The following KLF12 variants were observed in gnomAD, a reference collection of about 807,000 sequenced individuals.
KLF12 encodes KLF transcription factor 12.
KLF12 carries 9 observed loss-of-function variants against 37.8 expected under a neutral mutation model. The ratio of observed to expected loss-of-function variants is 0.24; its 90% confidence interval spans 0.14 to 0.42. KLF12 has a LOEUF of 0.42. Among genes scored for constraint, KLF12 ranks in the 10% least tolerant of loss-of-function variants. KLF12 has a pLI of 1.00. For missense variants in KLF12, 411 were observed against 516.0 expected, an observed-to-expected ratio of 0.80 and a Z score of 1.97; for synonymous variants, 208 against 202.1, an observed-to-expected ratio of 1.03 and a Z score of -0.25.
intron 7 of KLF12, among the ~76,000 whole-genome samples, chr13:73,699,846 A>C (rs1298634799): frequency 6.6e-6 from 1 of 152,206 alleles, no homozygotes; most frequent in Non-Finnish European, 1.5e-5. Context: ...TAGAGTGGGG[A>C]AACAGTGCAA....
intron 2 of KLF12, among the ~76,000 whole-genome samples, chr13:73,959,936 T>C (rs1890968701): frequency 6.6e-6 from 1 of 152,076 alleles, no homozygotes; most frequent in Non-Finnish European, 1.5e-5. Context: ...TACCGCAAAA[T>C]GCAAGCTTTT....
intron 2 of KLF12, among the ~76,000 whole-genome samples, chr13:73,950,625 G>T (rs1483222624): frequency 2.6e-5 from 4 of 152,134 alleles, no homozygotes; most frequent in East Asian, 1.9e-4. Flanking sequence ...TAAGAGGAGT[G>T]TTCAGAAAGC....
At chr13:73,838,053 T>A (rs2138630338) in intron 4 of KLF12, among the ~76,000 whole-genome samples, 1 of 152,072 alleles carries the variant, frequency 6.6e-6, no homozygotes, top group South Asian at 2.1e-4. Context: ...CACCAACAAG[T>A]GAGAACGCTG....
chr13:73,705,557 G>A (rs992196088), intron 7 of KLF12, among the ~76,000 whole-genome samples: 1 of 152,200 alleles, frequency 6.6e-6, no homozygotes, highest in Non-Finnish European at 1.5e-5. Context: ...ACAGGTGTAA[G>A]CCAATGTGTC....
chr13:73,875,564 AT>A (rs1310245715), intron 3 of KLF12, among the ~76,000 whole-genome samples: 1 of 152,126 alleles, frequency 6.6e-6, no homozygotes, highest in African/African-American at 2.4e-5. Flanking sequence ...AAGAATGCCT[AT>A]TTTCTAAACT....
At chr13:73,835,458 A>G (rs1884381619) in intron 4 of KLF12, among the ~76,000 whole-genome samples, 1 of 152,176 alleles carries the variant, frequency 6.6e-6, no homozygotes. Flanking sequence ...AAAAAGGTAG[A>G]ATGGTGAGGA....
At chr13:73,775,410 A>G (rs971006758) in intron 5 of KLF12, among the ~76,000 whole-genome samples, 8 of 152,190 alleles carry the variant, frequency 5.3e-5, no homozygotes, top group African/African-American at 1.4e-4. Context: ...GGGGAAATTT[A>G]GATTATGTGT....
intron 3 of KLF12, among the ~76,000 whole-genome samples, chr13:73,854,650 G>C (rs1338994626): frequency 6.6e-6 from 1 of 152,130 alleles, no homozygotes; most frequent in Admixed American, 6.5e-5. Context: ...CTCCACCAAG[G>C]ATACCAAAAC....
intron 1 of KLF12, among the ~76,000 whole-genome samples, chr13:74,054,892 C>A (rs76319853): frequency 0.11 from 16,174 of 152,138 alleles, 980 homozygotes; most frequent in African/African-American, 0.14. Context: ...TTAGCAAAGA[C>A]TTAATACTAA....
At chr13:73,774,400 G>A (rs144834028) in intron 5 of KLF12, among the ~76,000 whole-genome samples, 53 of 151,798 alleles carry the variant, frequency 3.5e-4, no homozygotes, top group Non-Finnish European at 5.9e-4. Flanking sequence ...GAAAAGCTTT[G>A]GCCCTACAGG....
intron 4 of KLF12, among the ~76,000 whole-genome samples, chr13:73,839,262 T>A (rs1010643239): frequency 3.3e-5 from 5 of 149,306 alleles, no homozygotes; most frequent in East Asian, 2.0e-4. Context: ...CTGGTTATTT[T>A]TTTTTTTTTT....
intron 5 of KLF12, among the ~76,000 whole-genome samples, chr13:73,777,033 C>T (rs34807037): frequency 0.6 from 91,249 of 151,976 alleles, 27,965 homozygotes; most frequent in African/African-American, 0.74. Flanking sequence ...ATTCTGCAAA[C>T]AGAAGAAGAG....
intron 1 of KLF12, among the ~76,000 whole-genome samples, chr13:74,133,323 T>TC (rs1201887688): frequency 1.2e-4 from 9 of 76,098 alleles, no homozygotes; most frequent in East Asian, 3.8e-4. Context: ...GAGCCCCCCC[T>TC]CCCCCCCAAG....
At chr13:74,305,301 C>T in the KLF12 span, among the ~76,000 whole-genome samples, 4 of 152,008 alleles carry the variant, frequency 2.6e-5, no homozygotes, top group Non-Finnish European at 2.9e-5. Flanking sequence ...TTTAAATGCT[C>T]TACATTTTAA....
intron 2 of KLF12, among the ~76,000 whole-genome samples, chr13:73,950,888 G>A (rs1236713041): frequency 1.3e-5 from 2 of 152,152 alleles, no homozygotes; most frequent in Non-Finnish European, 2.9e-5. Context: ...AGAAACTAAT[G>A]CTCAGGACCT....
chr13:74,162,838 T>C, the KLF12 span, among the ~76,000 whole-genome samples: 1 of 152,174 alleles, frequency 6.6e-6, no homozygotes, highest in African/African-American at 2.4e-5. Flanking sequence ...GAAGGTAGCA[T>C]GTGCACTTTT....
intron 3 of KLF12, among the ~76,000 whole-genome samples, chr13:73,938,820 G>A (rs1347030607): frequency 6.6e-6 from 1 of 152,158 alleles, no homozygotes; most frequent in East Asian, 1.9e-4. Flanking sequence ...TCTCTGGTCT[G>A]GCCAAGGTGG....
chr13:74,200,192 G>GC, the KLF12 span, among the ~76,000 whole-genome samples: 4 of 149,814 alleles, frequency 2.7e-5, no homozygotes, highest in East Asian at 7.9e-4. Context: ...GCTTGCTCAG[G>GC]GGGGGGGTTT....
At chr13:73,984,689 G>T (rs1246441189) in intron 2 of KLF12, among the ~76,000 whole-genome samples, 2 of 152,306 alleles carry the variant, frequency 1.3e-5, no homozygotes, top group East Asian at 3.9e-4. Flanking sequence ...GTCCTTTTAA[G>T]TCCCATATTC....
Sources: gnomAD v4.1 joint callset for allele counts (sites outside exome capture counted in the v4.1 genomes callset) on GRCh38, gnomAD v4.1.1 for gene constraint, MANE v1.5 for transcripts, NCBI Gene and HGNC (gene_info 2026-07-23, HGNC 2026-07-21) for gene names.